KPNA3: variants seen among roughly 807,000 people sequenced by gnomAD.
KPNA3 encodes importin subunit alpha-4.
Under a neutral mutation model 73.8 loss-of-function variants are expected in KPNA3, and 13 were observed. That is an observed-to-expected ratio of 0.18 (90% CI 0.11 to 0.28). KPNA3 has a LOEUF of 0.28. Among genes scored for constraint, KPNA3 ranks in the 10% least tolerant of loss-of-function variants. The pLI is 1.00. For missense variants in KPNA3, 360 were observed against 618.1 expected, an observed-to-expected ratio of 0.58 and a Z score of 4.43; for synonymous variants, 186 against 206.9, an observed-to-expected ratio of 0.90 and a Z score of 0.87.
chr13:49,774,991 T>G (rs1429767129), intron 1 of KPNA3, among the ~76,000 whole-genome samples: 1 of 151,730 alleles, frequency 6.6e-6, no homozygotes, highest in Non-Finnish European at 1.5e-5. Context: ...CTGCCTCTAC[T>G]AAAAATACAA....
intron 1 of KPNA3, among the ~76,000 whole-genome samples, chr13:49,777,506 TA>T (rs1954907024): frequency 6.6e-6 from 1 of 152,156 alleles, no homozygotes; most frequent in African/African-American, 2.4e-5. Context: ...TTACACTATT[TA>T]TTTTTTTCTT....
intron 2 of KPNA3, among the ~76,000 whole-genome samples, chr13:49,741,293 A>G (rs1954571388): frequency 6.6e-6 from 1 of 152,074 alleles, no homozygotes. Context: ...CCTCACCAAC[A>G]TGCGTTATCT....
At position 49,725,404 on chromosome 13, in the gene KPNA3, G is replaced by C. The variant is rs748945963; in HGVS notation, c.469+12C>G. On this transcript the variant is annotated intron_variant, in intron 7 of 16. Coordinates refer to ENST00000261667, the MANE Select transcript of KPNA3 (RefSeq NM_002267.4). Reference sequence around the variant, plus strand: ...AAACACAAAAAGTTCAGACAGTAAGGAATTTACTTACTAGACTGCACAACA... The same window carrying C: ...AAACACAAAAAGTTCAGACAGTAAGCAATTTACTTACTAGACTGCACAACA... 3.9e-6 allele frequency: 6 copies of C among 1,536,302 alleles called. No individual in the cohort carries two copies. The highest frequency in any genetic ancestry group is 1.4e-5 in the African/African-American group (1 of 72,428).
chr13:49,732,996 T>G lies in KPNA3; in HGVS notation c.165A>C (p.Glu55Asp). ...LLKKRNVPQE[E>D]SLEDSDVDAD... ...CATCAACATCTGAATCTTCTAGACT[T>G]TCTTCTTGGGGAACATTTCTCTTTT... is the stretch of plus-strand genomic sequence containing the variant. The change falls in exon 3 of 17, where the codon GAA becomes GAC. Residue 55 changes from glutamate to aspartate, a missense_variant. Coordinates refer to ENST00000261667, the MANE Select transcript of KPNA3 (RefSeq NM_002267.4). The G allele has an allele frequency of 6.2e-7, 1 of 1,611,970 alleles. No homozygotes were observed. The highest frequency in any genetic ancestry group is 8.5e-7 in the Non-Finnish European group (1 of 1,178,416).
intron 1 of KPNA3, among the ~76,000 whole-genome samples, 153 bp from the exon 2 acceptor site, chr13:49,747,146 A>G (rs1954623565): frequency 6.6e-6 from 1 of 151,994 alleles, no homozygotes; most frequent in Non-Finnish European, 1.5e-5. Context: ...GTTCAAAACC[A>G]GCTTGGCCAA....
At chr13:49,723,862 C>A (rs1328714704) in intron 7 of KPNA3, among the ~76,000 whole-genome samples, 4 of 143,464 alleles carry the variant, frequency 2.8e-5, no homozygotes, top group African/African-American at 7.5e-5. Context: ...GAGCGAGACT[C>A]CGTCTTAAAA....
At chr13:49,777,323 A>G (rs1954905479) in intron 1 of KPNA3, among the ~76,000 whole-genome samples, 2 of 152,238 alleles carry the variant, frequency 1.3e-5, no homozygotes, top group Admixed American at 1.3e-4. Flanking sequence ...AAATGCAAAG[A>G]AAGTATACAG....
At chr13:49,750,907 G>C (rs1954657224) in intron 1 of KPNA3, among the ~76,000 whole-genome samples, 1 of 152,158 alleles carries the variant, frequency 6.6e-6, no homozygotes, top group Admixed American at 6.5e-5. Flanking sequence ...CACAAGAATT[G>C]CTTGAACCTG....
At chr13:49,732,847 A>G in intron 3 of KPNA3, 71 bp from the exon 4 acceptor site, 1 of 1,327,532 alleles carries the variant, frequency 7.5e-7, no homozygotes, top group South Asian at 1.3e-5. Flanking sequence ...AGTGTACCTG[A>G]GTTAATATAC....
chr13:49,710,940 ACTC>A lies in KPNA3; in HGVS notation c.851_853del (p.Gly284del). The A allele has an allele frequency of 6.2e-7, 1 of 1,613,854 alleles. No individual in the cohort carries two copies. Among genetic ancestry groups the A allele is most frequent in the East Asian group, 2.2e-5 (1 of 44,858 alleles). On this transcript the variant is annotated inframe_deletion, in exon 11 of 17. Transcript: ENST00000261667. ...CAGAAGGGGCACAAGAAAGGGCACA[ACTC>A]CTGAATCAATAACCATCTGTATCTG... is the stretch of plus-strand genomic sequence containing the variant.
chr13:49,746,853 C>T, intron 2 of KPNA3, 96 bp downstream of exon 2: 1 of 833,426 alleles, frequency 1.2e-6, no homozygotes, highest in Non-Finnish European at 2.0e-6. Flanking sequence ...TAGGGATGAC[C>T]ACTAATTTGC....
intron 1 of KPNA3, among the ~76,000 whole-genome samples, chr13:49,754,620 C>CAAAAA (rs3064501): frequency 8.7e-5 from 11 of 126,382 alleles, no homozygotes; most frequent in African/African-American, 2.8e-4. Context: ...CTAGTTCTTT[C>CAAAAA]AAAAAAAAAA....
Position 49,722,558 on chromosome 13 carries a change from C to T in KPNA3, c.475G>A (p.Val159Ile), listed in dbSNP as rs1392120808. 1.9e-6 allele frequency: 3 copies of T among 1,600,952 alleles called. No individual in the cohort carries two copies. The highest frequency in any genetic ancestry group is 2.2e-5 in the East Asian group (1 of 44,638). ...CGAAGAAGTCTCAGAAAAAGAGGTA[C>T]TGCATCTGTAATAAAGAAAAACTAA... ...QTQAVVQSNA[V>I]PLFLRLLRSP... is the part of the protein sequence containing the mutation. The change falls in exon 8 of 17, where the codon GTA (valine) becomes ATA (isoleucine). Residue 159 changes from valine (V) to isoleucine (I), a missense_variant. Val to Ile is a conservative substitution (Grantham distance 29). Transcript: ENST00000261667.
intron 9 of KPNA3, among the ~76,000 whole-genome samples, chr13:49,720,513 T>C (rs1189603749): frequency 2.6e-5 from 4 of 152,030 alleles, no homozygotes; most frequent in Non-Finnish European, 4.4e-5. Flanking sequence ...TCCCACCACT[T>C]TGGGAGGGTG....
intron 15 of KPNA3, among the ~76,000 whole-genome samples, chr13:49,703,644 G>C (rs2137529076): frequency 6.6e-6 from 1 of 152,070 alleles, no homozygotes; most frequent in Admixed American, 6.5e-5. Flanking sequence ...AAAATGAATA[G>C]AGGTCTTATG....
At chr13:49,743,056 T>C (rs1954587772) in intron 2 of KPNA3, among the ~76,000 whole-genome samples, 1 of 152,122 alleles carries the variant, frequency 6.6e-6, no homozygotes, top group Non-Finnish European at 1.5e-5. Context: ...TGGAGGGATG[T>C]AGATGGATAG....
chr13:49,701,700 G>A lies in KPNA3; in HGVS notation c.*100C>T, dbSNP rs973539013. 4.9e-6 allele frequency: 4 copies of A among 814,310 alleles called. No individual in the cohort carries two copies. Among genetic ancestry groups the A allele is most frequent in the African/African-American group, 3.4e-5 (2 of 59,392 alleles). The allele number at this position is 814,310 out of a possible 1,614,324, so 50.4% of individuals were successfully genotyped here. ...TAGAAGCATCAAAACAAAGAGGCAT[G>A]TGTGTTTTGGAGCCTTTTGTTGCTG... On this transcript the variant is annotated 3_prime_UTR_variant, in exon 17 of 17. Coordinates refer to ENST00000261667, the MANE Select transcript of KPNA3 (RefSeq NM_002267.4).
intron 1 of KPNA3, among the ~76,000 whole-genome samples, chr13:49,758,228 G>T (rs575470807): frequency 6.6e-6 from 1 of 152,192 alleles, no homozygotes; most frequent in East Asian, 1.9e-4. Flanking sequence ...AAATATATAG[G>T]TGATGACAAG....
At chr13:49,789,863 T>C (rs1955018249) in intron 1 of KPNA3, among the ~76,000 whole-genome samples, 1 of 152,136 alleles carries the variant, frequency 6.6e-6, no homozygotes, top group South Asian at 2.1e-4. Context: ...TGGCCACCTT[T>C]CTTTCATCCT....
Sources: gnomAD v4.1 joint callset for allele counts (sites outside exome capture counted in the v4.1 genomes callset) on GRCh38, gnomAD v4.1.1 for gene constraint, MANE v1.5 for transcripts, NCBI Gene and HGNC (gene_info 2026-07-23, HGNC 2026-07-21) for gene names.